PGAP2: variants seen among roughly 807,000 people sequenced by gnomAD.
PGAP2 encodes acyltransferase PGAP2.
In PGAP2, 21 loss-of-function variants were observed where a neutral mutation model predicts 33.2. The ratio of observed to expected loss-of-function variants is 0.63; its 90% CI spans 0.45 to 0.91. PGAP2 has a LOEUF of 0.91. Among genes scored for constraint, PGAP2 ranks in the 40% least tolerant of loss-of-function variants. The probability of loss-of-function intolerance (pLI) is 0.00; values close to 1 mark genes in which losing one functional copy is unlikely to be tolerated. For missense variants in PGAP2, 345 were observed against 424.0 expected, an observed-to-expected ratio of 0.81 and a Z score of 1.64; for synonymous variants, 161 against 172.9, an observed-to-expected ratio of 0.93 and a Z score of 0.54.
At chr11:3,813,411 T>C (rs1238654846) in intron 2 of PGAP2, among the ~76,000 whole-genome samples, 1 of 151,374 alleles carries the variant, frequency 6.6e-6, no homozygotes, top group Non-Finnish European at 1.5e-5. Flanking sequence ...GGAGATGGGG[T>C]CTCGCCATGT....
rs2084908972 is a variant in PGAP2 at position 3,808,614 on chromosome 11, C to T, written c.-48C>T. ...GCCCCCGACCCCGGGCCACCTGGGC[C>T]CCCGGGTTCCGCCGGCACTCTCGCC... is the stretch of plus-strand genomic sequence containing the variant. On this transcript the variant is annotated 5_prime_UTR_variant, in exon 1 of 7. Transcript: ENST00000278243. The T allele has an allele frequency of 7.6e-7, 1 of 1,321,424 alleles. No homozygotes were observed. The highest frequency in any genetic ancestry group is 1.7e-5 in the South Asian group (1 of 58,032). 81.9% of individuals were successfully genotyped at this position (1,321,424 alleles called of 1,614,324 possible).
chr11:3,818,289 C>T (rs576683219), intron 3 of PGAP2, among the ~76,000 whole-genome samples: 2 of 147,780 alleles, frequency 1.4e-5, no homozygotes, highest in Non-Finnish European at 3.0e-5. Flanking sequence ...ATTGCTTGAA[C>T]CCGGGAGGCA....
chr11:3,825,554 C>A lies in PGAP2; in HGVS notation c.*96C>A. The A allele has an allele frequency of 1.5e-6, 2 of 1,322,264 alleles. No individual in the cohort carries two copies. The highest frequency in any genetic ancestry group is 2.1e-6 in the Non-Finnish European group (2 of 958,516). The allele number at this position is 1,322,264 out of a possible 1,614,324, so 81.9% of individuals were successfully genotyped here. On this transcript the variant is annotated 3_prime_UTR_variant, in exon 7 of 7. Coordinates refer to ENST00000278243, the MANE Select transcript of PGAP2 (RefSeq NM_014489.4). ...TCCCCACCCCACATCCTCTCTTGGC[C>A]TTACTGAAGATGGGGGAAGGGTAAG... is the stretch of plus-strand genomic sequence containing the variant.
chr11:3,797,876 G>C, exon 1 of PGAP2: 2 of 1,550,170 alleles, frequency 1.3e-6, no homozygotes, highest in Non-Finnish European at 8.7e-7. Context: ...GCGGGGTGTC[G>C]GGAAGGGTGG....
At chr11:3,807,230 C>A (rs111809090), upstream of PGAP2, among the ~76,000 whole-genome samples, 1 of 147,258 alleles carries the variant, frequency 6.8e-6, no homozygotes, top group Non-Finnish European at 1.5e-5. Flanking sequence ...TCCAGCTACT[C>A]GGGAGGCTGA....
chr11:3,803,417 G>T (rs1211817766), intron 1 of PGAP2, among the ~76,000 whole-genome samples: 3 of 149,868 alleles, frequency 2.0e-5, no homozygotes, highest in Non-Finnish European at 4.4e-5. Context: ...GTGAGCCACC[G>T]CACCCGGCCA....
chr11:3,823,176 C>T (rs1338559505), intron 3 of PGAP2, among the ~76,000 whole-genome samples: 5 of 151,732 alleles, frequency 3.3e-5, no homozygotes, highest in Admixed American at 6.6e-5. Context: ...GCTGGGACTA[C>T]GGGCGCTGGC....
At chr11:3,798,370 C>A (rs2082884028) in intron 1 of PGAP2, among the ~76,000 whole-genome samples, 1 of 152,134 alleles carries the variant, frequency 6.6e-6, no homozygotes, top group Admixed American at 6.5e-5. Flanking sequence ...CGCGTTGTCG[C>A]CTAGGGTGGA....
rs561275579 is a variant in PGAP2, at chr11:3,825,804, C to G, written c.*346C>G. ...AGTCACCTTTCACTGAGGTCAGGAGCCCCTGAGCAGTGGCTGCTCCCTGAC... is the reference window on the plus strand; with the variant it reads ...AGTCACCTTTCACTGAGGTCAGGAGGCCCTGAGCAGTGGCTGCTCCCTGAC... On this transcript the variant is annotated 3_prime_UTR_variant, in exon 7 of 7. Transcript: ENST00000278243. 1.2e-4 allele frequency: 25 copies of G among 210,816 alleles called. No individual in the cohort carries two copies. Among genetic ancestry groups the G allele is most frequent in the South Asian group, 6.3e-4 (8 of 12,694 alleles). The allele number at this position is 210,816 out of a possible 1,614,324, so 13.1% of individuals were successfully genotyped here. A position where few individuals can be genotyped will look rare whatever the true frequency, so the allele number is the denominator to read the frequency against.
chr11:3,800,896 G>A (rs557807833), intron 1 of PGAP2, among the ~76,000 whole-genome samples: 2 of 151,958 alleles, frequency 1.3e-5, no homozygotes, highest in African/African-American at 2.4e-5. Flanking sequence ...ACTTTTGGAG[G>A]CTGAAGCAGG....
chr11:3,824,788 C>T (rs2089703794), intron 5 of PGAP2: 19 of 1,432,052 alleles, frequency 1.3e-5, no homozygotes, highest in Non-Finnish European at 1.6e-5. Flanking sequence ...TACTCCATCC[C>T]CCTGAAGTGG....
At chr11:3,808,463 G>C, upstream of PGAP2, 1 of 1,477,850 alleles carries the variant, frequency 6.8e-7, no homozygotes, top group Non-Finnish European at 9.0e-7. Context: ...GGAGAGCCAG[G>C]GGTCGGGGTC....
Position 3,825,059 on chromosome 11 carries a change from A to G in PGAP2, c.748A>G (p.Ile250Val), listed in dbSNP as rs2089777666. The G allele has an allele frequency of 6.2e-7, 1 of 1,614,134 alleles. No individual in the cohort carries two copies. Among genetic ancestry groups the G allele is most frequent in the Non-Finnish European group, 8.5e-7 (1 of 1,180,026 alleles). Residue 250 changes from isoleucine to valine, a missense_variant, in exon 6 of 7, where the codon ATC becomes GTC. By Grantham distance (29) the Ile-to-Val change is conservative. Coordinates refer to ENST00000278243, the MANE Select transcript of PGAP2 (RefSeq NM_014489.4). ...CAGCTGGAAACAGCGGCTCTTCATCATCAACTTCATCTCCTTCTTCTCGGC... is the reference window on the plus strand; with the variant it reads ...CAGCTGGAAACAGCGGCTCTTCATCGTCAACTTCATCTCCTTCTTCTCGGC... The part of the protein sequence containing the change: ...SYSWKQRLFI[I>V]NFISFFSALA...
upstream of PGAP2, chr11:3,807,946 CAT>C (rs1263711265): frequency 1.3e-6 from 1 of 755,326 alleles, no homozygotes; most frequent in African/African-American, 1.8e-5. Flanking sequence ...TCAATCCTCT[CAT>C]TGTGGGGAGA....
chr11:3,810,124 T>TTC (rs1000632378), intron 1 of PGAP2, among the ~76,000 whole-genome samples: 3 of 152,180 alleles, frequency 2.0e-5, no homozygotes, highest in African/African-American at 7.2e-5. Flanking sequence ...GAGCCAGCCC[T>TTC]TCTCTCTCTC....
chr11:3,806,617 A>G (rs370966224), upstream of PGAP2, among the ~76,000 whole-genome samples: 28 of 152,332 alleles, frequency 1.8e-4, no homozygotes, highest in Non-Finnish European at 3.5e-4. Flanking sequence ...TTAACAGCAT[A>G]TAGTGGATTA....
rs573565837 is a variant in PGAP2 at position 3,823,793 on chromosome 11, G to A, written c.349-90G>A. On this transcript the variant is annotated intron_variant, in intron 3 of 6. Coordinates refer to ENST00000278243, the MANE Select transcript of PGAP2 (RefSeq NM_014489.4). ...TTGGAAGGGGAGGGGCTGGAGCAGA[G>A]GCAAGAGTGATTTTGTCAGATGGAG... 1.6e-5 allele frequency: 25 copies of A among 1,598,438 alleles called. No individual in the cohort carries two copies. In the South Asian group the frequency reaches 2.6e-4, roughly 17 times the overall value.
At chr11:3,802,190 G>C (rs190651476) in intron 1 of PGAP2, among the ~76,000 whole-genome samples, 23 of 150,418 alleles carry the variant, frequency 1.5e-4, no homozygotes, top group African/African-American at 5.4e-4. Flanking sequence ...GTGCATACTT[G>C]TGGAAAGACT....
chr11:3,824,430 C>T (rs951067093), intron 5 of PGAP2, 54 bp downstream of exon 5: 2 of 1,613,890 alleles, frequency 1.2e-6, no homozygotes, highest in Non-Finnish European at 1.7e-6. Flanking sequence ...AAATCAAGGA[C>T]ATCTGTCCTC....
Sources: gnomAD v4.1 joint callset for allele counts (sites outside exome capture counted in the v4.1 genomes callset) on GRCh38, gnomAD v4.1.1 for gene constraint, MANE v1.5 for transcripts, NCBI Gene and HGNC (gene_info 2026-07-23, HGNC 2026-07-21) for gene names.